ZBTB20: variants seen among roughly 807,000 people sequenced by gnomAD.
The protein encoded by ZBTB20 is zinc finger and BTB domain containing 20, also known as zinc finger and BTB domain-containing protein 20.
Under a neutral mutation model 56.9 loss-of-function variants are expected in ZBTB20, and 9 were observed. The ratio of observed to expected loss-of-function variants is 0.16; its 90% CI spans 0.10 to 0.28. The LOEUF (loss-of-function observed/expected upper bound fraction) is 0.28, where lower values mean the gene tolerates loss of function less well. ZBTB20 is among the 10% of genes least tolerant of loss of function. The pLI, the probability that ZBTB20 is intolerant of heterozygous loss-of-function variation, is 1.00. For missense variants in ZBTB20, 655 were observed against 1,003.0 expected (o/e 0.65, Z 4.69); for synonymous variants, 417 against 420.7 (o/e 0.99, Z 0.11).
intron 1 of ZBTB20, among the ~76,000 whole-genome samples, chr3:115,120,145 C>T (rs907990845): frequency 3.9e-5 from 6 of 151,968 alleles, no homozygotes; most frequent in South Asian, 2.1e-4. Flanking sequence ...AAATGTATAA[C>T]GCCAAAAGTG....
chr3:114,428,773 T>C (rs1399670782), intron 7 of ZBTB20, among the ~76,000 whole-genome samples: 6 of 152,198 alleles, frequency 3.9e-5, no homozygotes, highest in African/African-American at 9.6e-5. Flanking sequence ...GACTTCTCAC[T>C]AGAGAGAAAG....
At chr3:114,666,838 C>T (rs945531717) in intron 6 of ZBTB20, among the ~76,000 whole-genome samples, 3 of 151,956 alleles carry the variant, frequency 2.0e-5, no homozygotes, top group African/African-American at 4.8e-5. Context: ...CGTGGTGTCT[C>T]GTTTCTATGG....
chr3:114,610,087 G>C (rs1438911198), intron 6 of ZBTB20, among the ~76,000 whole-genome samples: 1 of 152,146 alleles, frequency 6.6e-6, no homozygotes, highest in Non-Finnish European at 1.5e-5. Flanking sequence ...AGCAGCAACA[G>C]CAGCAGCTGA....
At chr3:114,426,064 G>A (rs978289855) in intron 7 of ZBTB20, among the ~76,000 whole-genome samples, 15 of 151,778 alleles carry the variant, frequency 9.9e-5, no homozygotes, top group Non-Finnish European at 1.5e-4. Context: ...AGCCGGGTGC[G>A]GTGGCTCACG....
intron 5 of ZBTB20, among the ~76,000 whole-genome samples, chr3:114,792,383 T>C (rs2108811128): frequency 6.6e-6 from 1 of 152,276 alleles, no homozygotes; most frequent in Non-Finnish European, 1.5e-5. Flanking sequence ...GAAAGATATT[T>C]TTTAACTGCC....
intron 3 of ZBTB20, among the ~76,000 whole-genome samples, chr3:114,913,289 G>C (rs2107718128): frequency 6.6e-6 from 1 of 152,160 alleles, no homozygotes; most frequent in South Asian, 2.1e-4. Context: ...ACGGGAGTTA[G>C]ATGATATCTC....
intron 6 of ZBTB20, chr3:114,582,391 T>C (rs2054730517): frequency 6.6e-6 from 1 of 152,128 alleles, no homozygotes; most frequent in Admixed American, 6.5e-5. Context: ...TTTTAATTTT[T>C]TTTTTTTTTT....
chr3:115,146,824 C>G (rs1469343963), intron 1 of ZBTB20, among the ~76,000 whole-genome samples: 1 of 152,142 alleles, frequency 6.6e-6, no homozygotes, highest in Non-Finnish European at 1.5e-5. Context: ...AGCAGCGGCT[C>G]CAGGCGCAGG....
intron 5 of ZBTB20, among the ~76,000 whole-genome samples, chr3:114,799,008 A>C (rs2071527158): frequency 6.6e-6 from 1 of 151,856 alleles, no homozygotes; most frequent in Admixed American, 6.6e-5. Flanking sequence ...ACAACTTAGA[A>C]GGTGTCAAAT....
chr3:114,471,080 G>A (rs531206883), intron 7 of ZBTB20, among the ~76,000 whole-genome samples: 115 of 152,186 alleles, frequency 7.6e-4, no homozygotes, highest in African/African-American at 2.7e-3. Context: ...ATGCTGAAAA[G>A]GTCACATCCA....
At chr3:114,342,902 G>C (rs921810336) in intron 11 of ZBTB20, among the ~76,000 whole-genome samples, 2 of 152,124 alleles carry the variant, frequency 1.3e-5, no homozygotes, top group African/African-American at 4.8e-5. Context: ...AGTGGTATAT[G>C]GATAAAATGT....
chr3:114,704,996 T>TAC (rs1204860382), intron 5 of ZBTB20, among the ~76,000 whole-genome samples: 3 of 152,180 alleles, frequency 2.0e-5, no homozygotes, highest in Non-Finnish European at 4.4e-5. Flanking sequence ...ATATGTACTA[T>TAC]ACCATTTAAT....
chr3:114,726,998 G>A (rs1034702393), intron 5 of ZBTB20, among the ~76,000 whole-genome samples: 14 of 148,120 alleles, frequency 9.5e-5, no homozygotes, highest in Non-Finnish European at 1.8e-4. Context: ...AGAGTTGGAC[G>A]ACTATTTCCT....
intron 7 of ZBTB20, among the ~76,000 whole-genome samples, chr3:114,397,058 A>T (rs914155312): frequency 2.6e-5 from 4 of 152,136 alleles, no homozygotes; most frequent in African/African-American, 7.2e-5. Flanking sequence ...ATCTTGCCCC[A>T]TGATCAACCA....
At chr3:115,035,315 T>C (rs1014304660) in intron 2 of ZBTB20, among the ~76,000 whole-genome samples, 1 of 152,092 alleles carries the variant, frequency 6.6e-6, no homozygotes. Context: ...GCAAGTCTCA[T>C]ATTGGATAAG....
rs2079052479 is a variant in ZBTB20 at position 114,326,014 on chromosome 3, T to C, written c.*12991A>G. 1 of 151,674 alleles carries C rather than the reference T, an allele frequency of 6.6e-6. No individual in the cohort carries two copies. The allele number at this position is 151,674 out of a possible 1,614,324, so 9.4% of individuals were successfully genotyped here. On this transcript the variant is annotated 3_prime_UTR_variant, in exon 12 of 12. Coordinates refer to ENST00000675478, the MANE Select transcript of ZBTB20 (RefSeq NM_001348800.3). ...TGGGGTTGGGGCAGGTGCAGGGGTG[T>C]GGGGAAGGAGAGAGAAGCAATGGGG... is the stretch of plus-strand genomic sequence containing the variant.
intron 5 of ZBTB20, among the ~76,000 whole-genome samples, chr3:114,721,138 G>A (rs2064879131): frequency 6.6e-6 from 1 of 152,156 alleles, no homozygotes; most frequent in South Asian, 2.1e-4. Context: ...GGTTGAGTGT[G>A]GAATGCGAAA....
intron 1 of ZBTB20, among the ~76,000 whole-genome samples, chr3:115,094,759 A>C (rs2083318133): frequency 6.6e-6 from 1 of 151,966 alleles, no homozygotes. Context: ...ACAAAAATGT[A>C]AAGCCTTCTA....
intron 2 of ZBTB20, among the ~76,000 whole-genome samples, chr3:115,011,001 T>G (rs1179413165): frequency 7.2e-6 from 1 of 138,876 alleles, no homozygotes; most frequent in African/African-American, 2.5e-5. Flanking sequence ...TAACATACAA[T>G]TGGCCTACTA....
Sources: gnomAD v4.1 joint callset for allele counts (sites outside exome capture counted in the v4.1 genomes callset) on GRCh38, gnomAD v4.1.1 for gene constraint, MANE v1.5 for transcripts, NCBI Gene and HGNC (gene_info 2026-07-23, HGNC 2026-07-21) for gene names.